SIGLEC9: variants seen among roughly 807,000 people sequenced by gnomAD.
SIGLEC9 encodes sialic acid-binding Ig-like lectin 9.
In SIGLEC9, 26 loss-of-function variants were observed where a neutral mutation model predicts 38.3. That is an observed-to-expected ratio of 0.68 (90% CI 0.50 to 0.94). The LOEUF is 0.94. Ranked by LOEUF, SIGLEC9 falls within the 40% of genes least tolerant of loss-of-function variation. SIGLEC9 has a pLI of 0.00. For missense variants in SIGLEC9, 556 were observed against 585.7 expected (o/e 0.95, Z 0.52); for synonymous variants, 236 against 248.0 (o/e 0.95, Z 0.45).
At chr19:51,130,754 C>G (rs1225846076), downstream of SIGLEC9, among the ~76,000 whole-genome samples, 1 of 152,214 alleles carries the variant, frequency 6.6e-6, no homozygotes, top group East Asian at 1.9e-4. Context: ...CTCCTGGATC[C>G]TGAACCTCCC....
At chr19:51,127,857 G>A in intron 4 of SIGLEC9, 92 bp from the exon 5 acceptor site, 1 of 721,224 alleles carries the variant, frequency 1.4e-6, no homozygotes, top group Non-Finnish European at 2.4e-6. Flanking sequence ...AGGGGAAGTG[G>A]AAATAGAAGT....
downstream of SIGLEC9, among the ~76,000 whole-genome samples, chr19:51,132,217 T>C (rs371469454): frequency 1.1e-4 from 16 of 152,322 alleles, 1 homozygote; most frequent in East Asian, 1.2e-3. Context: ...AGACTTCCTT[T>C]TGCCTTCCAC....
chr19:51,135,969 A>G (rs2092039080), exon 7 of SIGLEC9: 1 of 702,790 alleles, frequency 1.4e-6, no homozygotes, highest in South Asian at 1.5e-5. Flanking sequence ...CAGATCTTGA[A>G]TCATTTTATT....
intron 6 of SIGLEC9, chr19:51,129,060 TCA>T (rs1207263961): frequency 1.3e-5 from 2 of 152,688 alleles, no homozygotes; most frequent in African/African-American, 4.8e-5. Context: ...TGGATATGAC[TCA>T]GATACTGTAG....
At chr19:51,121,749 G>C (rs1440580830), upstream of SIGLEC9, among the ~76,000 whole-genome samples, 1 of 151,934 alleles carries the variant, frequency 6.6e-6, no homozygotes, top group Non-Finnish European at 1.5e-5. Context: ...ACCATGCCTG[G>C]CTAATTTTTG....
downstream of SIGLEC9, among the ~76,000 whole-genome samples, chr19:51,131,317 G>C (rs895234675): frequency 2.6e-5 from 4 of 152,206 alleles, no homozygotes; most frequent in Non-Finnish European, 5.9e-5. Flanking sequence ...GCCGGGCACA[G>C]TGTCTCACGC....
In SIGLEC9 at chr19:51,125,173, A is replaced by C; in HGVS notation, c.199A>C (p.Asn67His). 1 of 1,614,060 alleles carries C rather than the reference A, an allele frequency of 6.2e-7. No individual in the cohort carries two copies. Among genetic ancestry groups the C allele is most frequent in the Non-Finnish European group, 8.5e-7 (1 of 1,179,998 alleles). ...TGGCTACTGGTTCCGGGAAGGGGCCAATACAGACCAGGATGCTCCAGTGGC... is the reference window on the plus strand; with the variant it reads ...TGGCTACTGGTTCCGGGAAGGGGCCCATACAGACCAGGATGCTCCAGTGGC... ...VHGYWFREGANTDQDAPVATN... is the reference protein window; with the variant it reads ...VHGYWFREGAHTDQDAPVATN... Residue 67 changes from asparagine (N) to histidine (H), a missense_variant, in exon 1 of 7, where the codon AAT becomes CAT. By Grantham distance (68) the Asn-to-His change is moderately conservative (BLOSUM62 1). Coordinates refer to ENST00000250360, the MANE Select transcript of SIGLEC9 (RefSeq NM_014441.3).
At chr19:51,131,337 C>T (rs1012292307), downstream of SIGLEC9, among the ~76,000 whole-genome samples, 11 of 152,144 alleles carry the variant, frequency 7.2e-5, no homozygotes, top group Non-Finnish European at 1.5e-4. Flanking sequence ...CCTGTAATTC[C>T]AGCACTTTGG....
At chr19:51,125,973 A>C in intron 2 of SIGLEC9, 98 bp downstream of exon 2, 1 of 1,583,836 alleles carries the variant, frequency 6.3e-7, no homozygotes, top group Non-Finnish European at 8.7e-7. Context: ...TGGTGGGGTC[A>C]GGAGGACACT....
rs1339443182 is a variant in SIGLEC9 at position 51,127,970 on chromosome 19, C to A, written c.1037C>A (p.Thr346Asn). The A allele has an allele frequency of 6.2e-7, 1 of 1,613,612 alleles. No homozygotes were observed. The highest frequency in any genetic ancestry group is 8.5e-7 in the Non-Finnish European group (1 of 1,179,570). Residue 346 changes from threonine (T) to asparagine (N), a missense_variant, in exon 5 of 7, where the codon ACT becomes AAT. Transcript: ENST00000250360. Reference protein sequence around the residue: ...SLQSKATSGVTQGVVGGAGAT... With the variant: ...SLQSKATSGVNQGVVGGAGAT... ...ACAGGCAAAGCCACATCAGGAGTGA[C>A]TCAGGGGGTGGTCGGGGGAGCTGGA... is the stretch of plus-strand genomic sequence containing the variant.
chr19:51,122,054 G>A (rs567222255), upstream of SIGLEC9, among the ~76,000 whole-genome samples: 7 of 152,184 alleles, frequency 4.6e-5, 1 homozygote, highest in South Asian at 1.5e-3. This position sits in a 1 kb window ranked among gnomAD's most constrained non-coding sequence, Gnocchi z 4.1. Context: ...CTCAGTCTAA[G>A]CTCCTCAGCT....
At chr19:51,120,845 C>CTTT (rs67740870), upstream of SIGLEC9, 4 of 135,530 alleles carry the variant, frequency 3.0e-5, no homozygotes, top group South Asian at 2.2e-4. The surrounding 1 kb of genome is among the most constrained non-coding windows in gnomAD (Gnocchi z 4.1). Context: ...ATCAGGAATT[C>CTTT]TTTTTTTTTT....
At chr19:51,136,140 T>A in exon 7 of SIGLEC9, 1 of 703,836 alleles carries the variant, frequency 1.4e-6, no homozygotes, top group Non-Finnish European at 2.6e-6. Context: ...GGTAAAATAC[T>A]CTGGCTTTTG....
In SIGLEC9 at chr19:51,130,184, TA is replaced by T; in HGVS notation, c.*106del. 6.8e-7 allele frequency: 1 copy of T among 1,474,804 alleles called. No homozygotes were observed. Among genetic ancestry groups the T allele is most frequent in the Non-Finnish European group, 9.0e-7 (1 of 1,115,528 alleles). The allele number at this position is 1,474,804 out of a possible 1,614,324, so 91.4% of individuals were successfully genotyped here. ...ATTAACAGCCCTCAACGTGATGAGC[TA>T]TGATAACACTATGAATTATGTGCAG... On this transcript the variant is annotated 3_prime_UTR_variant, in exon 7 of 7. Transcript: ENST00000250360.
downstream of SIGLEC9, among the ~76,000 whole-genome samples, chr19:51,133,647 G>A (rs1218447733): frequency 2.0e-5 from 3 of 151,966 alleles, no homozygotes; most frequent in Non-Finnish European, 2.9e-5. Context: ...TGGTAAAAAC[G>A]AGTGTTGAGC....
chr19:51,127,925 A>G (rs1411860685), intron 4 of SIGLEC9, 24 bp from the exon 5 acceptor site: 10 of 1,529,976 alleles, frequency 6.5e-6, no homozygotes, highest in Non-Finnish European at 9.0e-6. Context: ...ATATATCACA[A>G]AAATAACTCC....
chr19:51,133,374 A>T (rs2092026978), downstream of SIGLEC9, among the ~76,000 whole-genome samples: 1 of 151,420 alleles, frequency 6.6e-6, no homozygotes, highest in Non-Finnish European at 1.5e-5. Context: ...GGAGTTCAAG[A>T]CCAGCCTGGA....
chr19:51,136,090 C>T, exon 7 of SIGLEC9: 2 of 703,890 alleles, frequency 2.8e-6, no homozygotes, highest in Non-Finnish European at 5.2e-6. Context: ...ATTTCAGACT[C>T]ATTAAGAACA....
chr19:51,128,855 T>G, intron 6 of SIGLEC9: 5 of 248,214 alleles, frequency 2.0e-5, no homozygotes, highest in East Asian at 1.3e-4. Context: ...CACCCCTCAA[T>G]ACCGTTTAGA....
Sources: allele counts gnomAD v4.1 joint callset (sites outside exome capture counted in the v4.1 genomes callset), GRCh38; gene constraint gnomAD v4.1.1; non-coding constraint Gnocchi (gnomAD v3.1); transcripts MANE v1.5; gene names NCBI Gene and HGNC (gene_info 2026-07-23, HGNC 2026-07-21).